Variants in WDR11 observed in about 807,000 individuals in gnomAD.
WDR11 encodes WD repeat domain 11, also known as WD repeat-containing protein 11.
A neutral mutation model predicts 151.2 loss-of-function variants in WDR11; 83 were observed. The observed-to-expected ratio is 0.55, with a 90% CI of 0.46 to 0.66. WDR11 has a LOEUF of 0.66. Among genes scored for constraint, WDR11 ranks in the 30% least tolerant of loss-of-function variants. WDR11 has a pLI of 0.00. For missense variants in WDR11, 1,301 were observed against 1,480.9 expected (o/e 0.88, Z 1.99); for synonymous variants, 484 against 533.1 (o/e 0.91, Z 1.27).
At chr10:120,882,164 CATTG>C (rs1847029917) in intron 13 of WDR11, among the ~76,000 whole-genome samples, 1 of 151,924 alleles carries the variant, frequency 6.6e-6, no homozygotes, top group Non-Finnish European at 1.5e-5. Context: ...TGGTGAATTA[CATTG>C]ATTGATTTTC....
intron 24 of WDR11, 101 bp downstream of exon 24, chr10:120,904,243 C>A: frequency 1.1e-6 from 1 of 926,044 alleles, no homozygotes. Context: ...ATATTTTCCC[C>A]TTGTATGTAC....
chr10:120,897,556 A>G (rs1189081246), intron 19 of WDR11, among the ~76,000 whole-genome samples: 1 of 152,228 alleles, frequency 6.6e-6, no homozygotes, highest in African/African-American at 2.4e-5. Flanking sequence ...AGTGAAAAGT[A>G]CACAGCATCC....
At chr10:120,887,245 T>G (rs1483021321) in intron 16 of WDR11, among the ~76,000 whole-genome samples, 1 of 152,324 alleles carries the variant, frequency 6.6e-6, no homozygotes, top group Admixed American at 6.5e-5. Context: ...CAATCTAGTA[T>G]TATTTTTGGA....
Position 120,897,240 on chromosome 10 carries a change from C to T in WDR11, c.2516-2789C>T, listed in dbSNP as rs1847646716. 3.9e-5 allele frequency among the ~76,000 whole-genome samples: 6 copies of T among 152,128 alleles called. No individual in the cohort carries two copies. In the South Asian group the frequency reaches 1.2e-3, roughly 32 times the overall value. ...GGCAAGAAGCAAAAGCTCAGGTGGA[C>T]AGAAGAATGCCAGCTGACAAATGCG... On this transcript the variant is annotated intron_variant, in intron 19 of 28. Transcript: ENST00000263461.
chr10:120,867,147 C>T lies in WDR11; in HGVS notation c.1272C>T (p.Asp424=). The part of the protein sequence containing the change: ...PVGVLQNKLP[D]LSLDNMIGQS... ...GAGTGCTACAGAATAAACTCCCAGA[C>T]CTTTCCTTAGATAACATGATTGGTA... Residue 424 remains aspartate, a synonymous_variant, in exon 9 of 29, where the codon GAC becomes GAT. Transcript: ENST00000263461. 1 of 1,613,622 alleles carries T rather than the reference C, an allele frequency of 6.2e-7. No individual in the cohort carries two copies. Among genetic ancestry groups the T allele is most frequent in the Non-Finnish European group, 8.5e-7 (1 of 1,179,700 alleles).
intron 19 of WDR11, among the ~76,000 whole-genome samples, chr10:120,894,165 T>C (rs1590106567): frequency 6.6e-6 from 1 of 152,248 alleles, no homozygotes; most frequent in East Asian, 1.9e-4. Context: ...CATGTAAGTC[T>C]TTAATCCATC....
chr10:120,863,020 T>G, intron 5 of WDR11, 99 bp downstream of exon 5: 1 of 826,350 alleles, frequency 1.2e-6, no homozygotes, highest in African/African-American at 1.7e-5. Flanking sequence ...TCATCTCACT[T>G]TTTCTCATTT....
chr10:120,908,903 T>C lies in WDR11; in HGVS notation c.*190T>C, dbSNP rs1235817345. The C allele has an allele frequency of 3.1e-6, 2 of 638,430 alleles. No individual in the cohort carries two copies. Among genetic ancestry groups the C allele is most frequent in the Non-Finnish European group, 5.5e-6 (2 of 362,594 alleles). 39.5% of individuals were successfully genotyped at this position (638,430 alleles called of 1,614,324 possible). ...GTTGAGAGTAAGTTTGTATCCTGCG[T>C]TGGTCTCAGAAAGAACGTGAATGCT... On this transcript the variant is annotated 3_prime_UTR_variant, in exon 29 of 29. Transcript: ENST00000263461.
At chr10:120,874,403 T>A (rs957747250) in intron 11 of WDR11, among the ~76,000 whole-genome samples, 8 of 151,972 alleles carry the variant, frequency 5.3e-5, no homozygotes, top group Admixed American at 3.3e-4. Flanking sequence ...TATTTTAAAA[T>A]TTTTTTTACT....
chr10:120,897,167 A>G (rs1847643003), intron 19 of WDR11, among the ~76,000 whole-genome samples: 1 of 152,214 alleles, frequency 6.6e-6, no homozygotes, highest in East Asian at 1.9e-4. Flanking sequence ...AGAATACCAA[A>G]GAAACCCTCA....
At position 120,874,189 on chromosome 10, in the gene WDR11, T is replaced by TG. The variant is rs200950968; in HGVS notation, c.1556+266_1556+267insG. 0.012 allele frequency among the ~76,000 whole-genome samples: 1,225 copies of TG among 101,172 alleles called. 27 individuals are homozygous for TG. Among genetic ancestry groups the TG allele is most frequent in the South Asian group, 0.048 (139 of 2,908 alleles). The allele number at this position is 101,172 out of a possible 152,430, so 66.4% of individuals were successfully genotyped here. On this transcript the variant is annotated intron_variant, in intron 11 of 28. Coordinates refer to ENST00000263461, the MANE Select transcript of WDR11 (RefSeq NM_018117.12). ...GCGGTTTTTGCAGTTTTTTTTTTTT[T>TG]TTTGTTGTTGTTGTTGTTGTTTGTT...
chr10:120,907,190 A>G, intron 28 of WDR11: 1 of 308,888 alleles, frequency 3.2e-6, no homozygotes, highest in Admixed American at 4.2e-5. Context: ...ACTTTGAAAT[A>G]GTACTTTTTC....
At chr10:120,863,448 T>C (rs1016455837) in intron 5 of WDR11, among the ~76,000 whole-genome samples, 2 of 152,172 alleles carry the variant, frequency 1.3e-5, no homozygotes, top group African/African-American at 4.8e-5. Flanking sequence ...GTCTCTAAAA[T>C]AAGGCTTTAA....
At chr10:120,908,498 C>T in intron 28 of WDR11, 58 bp from the exon 29 acceptor site, 1 of 1,565,628 alleles carries the variant, frequency 6.4e-7, no homozygotes. Context: ...CTTCTGGGAG[C>T]CTGTGAAGAG....
chr10:120,855,398 A>G (rs967968725), intron 2 of WDR11, among the ~76,000 whole-genome samples: 11 of 151,448 alleles, frequency 7.3e-5, no homozygotes, highest in Admixed American at 1.3e-4. Flanking sequence ...TTTTTGTGTC[A>G]TATGTTTGGA....
intron 28 of WDR11, chr10:120,908,223 T>TAA (rs1848142291): frequency 2.9e-6 from 1 of 342,976 alleles, no homozygotes; most frequent in South Asian, 2.8e-5. Flanking sequence ...ATATGCAGGT[T>TAA]AAGTTTCTCC....
At chr10:120,872,837 T>C (rs1014772341) in intron 10 of WDR11, among the ~76,000 whole-genome samples, 19 of 152,194 alleles carry the variant, frequency 1.2e-4, no homozygotes, top group Non-Finnish European at 2.1e-4. Context: ...TTTTCTAGAA[T>C]AGTTTTGCAA....
At chr10:120,881,138 C>T (rs560189711) in intron 13 of WDR11, among the ~76,000 whole-genome samples, 29 of 152,082 alleles carry the variant, frequency 1.9e-4, no homozygotes, top group Non-Finnish European at 3.2e-4. Flanking sequence ...TATTTACTTT[C>T]GGATAAAGTT....
At chr10:120,867,221 A>G (rs766904404) in intron 9 of WDR11, 52 bp downstream of exon 9, 1 of 1,252,786 alleles carries the variant, frequency 8.0e-7, no homozygotes, top group African/African-American at 1.5e-5. Context: ...CTGAAGGGCA[A>G]AATTAATAGA....
Sources: allele counts gnomAD v4.1 joint callset (sites outside exome capture counted in the v4.1 genomes callset), GRCh38; gene constraint gnomAD v4.1.1; transcripts MANE v1.5; gene names NCBI Gene and HGNC (gene_info 2026-07-23, HGNC 2026-07-21).